Variants in DLG2 observed in about 807,000 individuals in gnomAD.
The protein encoded by DLG2 is discs large MAGUK scaffold protein 2, also known as disks large homolog 2.
Under a neutral mutation model 132.5 loss-of-function variants are expected in DLG2, and 45 were observed. The observed-to-expected ratio is 0.34, with a 90% confidence interval of 0.27 to 0.44. The LOEUF (loss-of-function observed/expected upper bound fraction) is 0.44. DLG2 is among the 20% of genes least tolerant of loss of function. The pLI, the probability that DLG2 is intolerant of heterozygous loss-of-function variation, is 1.00. For missense variants in DLG2, 1,045 were observed against 1,196.9 expected (o/e 0.87, Z 1.87); for synonymous variants, 424 against 419.6 (o/e 1.01, Z -0.13).
At chr11:84,710,147 G>A (rs1809992708) in intron 6 of DLG2, among the ~76,000 whole-genome samples, 1 of 151,880 alleles carries the variant, frequency 6.6e-6, no homozygotes, top group Admixed American at 6.6e-5. Context: ...TTCATGTCAA[G>A]TCCTTAGAAT....
At chr11:84,050,010 C>G (rs1459085687) in intron 11 of DLG2, among the ~76,000 whole-genome samples, 12 of 151,624 alleles carry the variant, frequency 7.9e-5, no homozygotes, top group Non-Finnish European at 1.5e-4. Context: ...AGAAATGGTA[C>G]ACAGGGCAGC....
intron 6 of DLG2, among the ~76,000 whole-genome samples, chr11:84,753,667 G>C (rs2066476040): frequency 6.6e-6 from 1 of 152,212 alleles, no homozygotes; most frequent in Non-Finnish European, 1.5e-5. Flanking sequence ...AGAAACTGGA[G>C]ATGGAATTTG....
chr11:84,411,582 T>C (rs987303416), intron 7 of DLG2, among the ~76,000 whole-genome samples: 44 of 152,114 alleles, frequency 2.9e-4, no homozygotes, highest in African/African-American at 1.0e-3. Flanking sequence ...TTGCCTCAAT[T>C]CACACTTGGA....
chr11:85,236,598 G>A (rs2075600147), intron 4 of DLG2, among the ~76,000 whole-genome samples: 1 of 151,852 alleles, frequency 6.6e-6, no homozygotes, highest in Non-Finnish European at 1.5e-5. Context: ...TGGGGATTAG[G>A]GCTTCAACAT....
intron 16 of DLG2, among the ~76,000 whole-genome samples, chr11:83,854,249 A>G (rs2060183252): frequency 6.6e-6 from 1 of 152,156 alleles, no homozygotes; most frequent in African/African-American, 2.4e-5. Flanking sequence ...ATGGAGAGAT[A>G]GTCCATGTAA....
intron 3 of DLG2, among the ~76,000 whole-genome samples, chr11:85,349,437 G>C (rs1023260132): frequency 7.2e-5 from 11 of 151,990 alleles, no homozygotes; most frequent in African/African-American, 2.7e-4. Context: ...TATACTCAAA[G>C]TTCTAGGGTA....
chr11:84,101,464 C>G (rs889538400), intron 9 of DLG2, among the ~76,000 whole-genome samples: 2 of 152,270 alleles, frequency 1.3e-5, no homozygotes, highest in Non-Finnish European at 1.5e-5. Context: ...ATGCAACTGA[C>G]TCTAAACTAA....
intron 11 of DLG2, among the ~76,000 whole-genome samples, chr11:83,994,979 A>ATTT (rs67876577): frequency 2.9e-5 from 4 of 136,288 alleles, no homozygotes; most frequent in Non-Finnish European, 3.2e-5. Flanking sequence ...TTCTGTGTCC[A>ATTT]TTTTTTTTTT....
At chr11:85,085,915 GT>G in intron 6 of DLG2, among the ~76,000 whole-genome samples, 1 of 152,072 alleles carries the variant, frequency 6.6e-6, no homozygotes, top group Non-Finnish European at 1.5e-5. Context: ...TCAATTCTAT[GT>G]GGTTAGGTTG....
Position 85,129,651 on chromosome 11 carries a change from T to C in DLG2, c.283-17916A>G, listed in dbSNP as rs150363721. 2.3e-3 allele frequency among the ~76,000 whole-genome samples: 356 copies of C among 152,298 alleles called. 1 individual carries two copies. Among genetic ancestry groups the C allele is most frequent in the African/African-American group, 8.0e-3 (332 of 41,566 alleles). ...ACCATTGTGGAAGACAGTGTGGCAA[T>C]TGTTCAAGGATCTAAAACTAGAAAT... is the stretch of plus-strand genomic sequence containing the variant. On this transcript the variant is annotated intron_variant, in intron 5 of 27. Transcript: ENST00000376104.
At chr11:85,574,178 T>C (rs560057086) in intron 3 of DLG2, among the ~76,000 whole-genome samples, 1 of 152,090 alleles carries the variant, frequency 6.6e-6, no homozygotes, top group Non-Finnish European at 1.5e-5. Flanking sequence ...TTAATAAAAA[T>C]TTTTCATATT....
At chr11:83,798,448 C>T (rs890747688) in intron 17 of DLG2, among the ~76,000 whole-genome samples, 13 of 152,048 alleles carry the variant, frequency 8.5e-5, no homozygotes, top group Admixed American at 6.6e-5. Context: ...TTTTAACTGG[C>T]TTTTATTAGC....
intron 6 of DLG2, among the ~76,000 whole-genome samples, chr11:85,018,854 G>A (rs548806265): frequency 5.3e-5 from 8 of 151,208 alleles, no homozygotes; most frequent in Non-Finnish European, 1.0e-4. Flanking sequence ...AGGAAAAAAG[G>A]TCTGAAACAT....
At chr11:83,778,371 T>C (rs1202814273) in intron 18 of DLG2, among the ~76,000 whole-genome samples, 1 of 152,158 alleles carries the variant, frequency 6.6e-6, no homozygotes, top group Non-Finnish European at 1.5e-5. Context: ...AAAATGTCTC[T>C]AGCACAAGGA....
At chr11:85,046,199 A>G (rs1451649883) in intron 6 of DLG2, among the ~76,000 whole-genome samples, 2 of 152,026 alleles carry the variant, frequency 1.3e-5, no homozygotes, top group Non-Finnish European at 2.9e-5. Context: ...TAAAGAAAAT[A>G]ATTTAGTTTC....
intron 6 of DLG2, chr11:84,923,145 G>T: frequency 1.2e-6 from 2 of 1,613,466 alleles, no homozygotes; most frequent in Non-Finnish European, 1.7e-6. Context: ...CATATGGACC[G>T]GTATTCAGCT....
chr11:84,999,019 G>A (rs906127635), intron 6 of DLG2, among the ~76,000 whole-genome samples: 15 of 151,718 alleles, frequency 9.9e-5, no homozygotes, highest in African/African-American at 2.9e-4. Flanking sequence ...GAGTGAGAGT[G>A]CAGAGTTCTT....
intron 11 of DLG2, among the ~76,000 whole-genome samples, chr11:84,040,140 G>T (rs2096020218): frequency 6.6e-6 from 1 of 150,532 alleles, no homozygotes; most frequent in Admixed American, 6.6e-5. Context: ...AGATGAGTAG[G>T]TTGTGAAAAT....
At chr11:84,981,822 C>G (rs1350932242) in intron 6 of DLG2, among the ~76,000 whole-genome samples, 1 of 152,060 alleles carries the variant, frequency 6.6e-6, no homozygotes, top group Admixed American at 6.6e-5. Context: ...TTCCTCACCT[C>G]CCACTCATCT....
Sources: gnomAD v4.1 joint callset for allele counts (sites outside exome capture counted in the v4.1 genomes callset) on GRCh38, gnomAD v4.1.1 for gene constraint, MANE v1.5 for transcripts, NCBI Gene and HGNC (gene_info 2026-07-23, HGNC 2026-07-21) for gene names.